Variants in AGBL1 observed in about 807,000 individuals in gnomAD.
The protein encoded by AGBL1 is cytosolic carboxypeptidase 4.
In AGBL1, 130 loss-of-function variants were observed where a neutral mutation model predicts 118.9. That is an observed-to-expected ratio of 1.09 (90% CI 0.95 to 1.26). AGBL1 has a LOEUF of 1.26. Among genes scored for constraint, AGBL1 ranks in the 50% most tolerant of loss-of-function variants. AGBL1 has a pLI of 0.00. For missense variants in AGBL1, 1,584 were observed against 1,298.1 expected (o/e 1.22, Z -3.38); for synonymous variants, 555 against 478.9 (o/e 1.16, Z -2.08).
At chr15:86,275,463 C>T (rs1231396453) in intron 15 of AGBL1, among the ~76,000 whole-genome samples, 1 of 152,182 alleles carries the variant, frequency 6.6e-6, no homozygotes, top group Non-Finnish European at 1.5e-5. Context: ...TTAAACAGAG[C>T]CATTGTCATT....
At chr15:86,579,436 A>G (rs1437851889) in intron 21 of AGBL1, among the ~76,000 whole-genome samples, 1 of 152,244 alleles carries the variant, frequency 6.6e-6, no homozygotes, top group Non-Finnish European at 1.5e-5. Context: ...ATATTAGATT[A>G]TGTTAAAATT....
At position 86,331,635 on chromosome 15, in the gene AGBL1, C is replaced by T. The variant is rs545000902; in HGVS notation, c.2374+36227C>T. 1.4e-3 allele frequency among the ~76,000 whole-genome samples: 209 copies of T among 152,314 alleles called. 1 individual carries two copies. The highest frequency in any genetic ancestry group is 6.8e-3 in the Middle Eastern group (2 of 294). ...AGAAACTTTACAAGCCAGCAGAGAT[C>T]GGGGGCCTGTTTACAACATTGTTAA... On this transcript the variant is annotated intron_variant, in intron 17 of 22. Coordinates refer to ENST00000614907, the MANE Select transcript of AGBL1 (RefSeq NM_001386094.1).
chr15:86,262,529 A>T (rs1237884904), intron 9 of AGBL1: 2 of 506,258 alleles, frequency 4.0e-6, no homozygotes, highest in African/African-American at 3.9e-5. Context: ...CATTTTATAC[A>T]AATTTTTATT....
intron 21 of AGBL1, among the ~76,000 whole-genome samples, chr15:86,624,725 GT>G (rs2084858476): frequency 6.6e-6 from 1 of 152,150 alleles, no homozygotes; most frequent in South Asian, 2.1e-4. Context: ...AAGGGACACT[GT>G]GCTGTGATGA....
chr15:86,992,957 T>C (rs1209031363), intron 24 of AGBL1, among the ~76,000 whole-genome samples: 1 of 152,140 alleles, frequency 6.6e-6, no homozygotes, highest in Admixed American at 6.6e-5. Flanking sequence ...CCCTAAAATA[T>C]CTCCAGTGTG....
At chr15:86,827,938 C>CTTTTT (rs71144074) in intron 22 of AGBL1, among the ~76,000 whole-genome samples, 1,115 of 16,740 alleles carry the variant, frequency 0.067, 336 homozygotes, top group African/African-American at 0.17. Flanking sequence ...TGATGTAGGG[C>CTTTTT]TTTTTTTTTT....
At chr15:86,885,661 T>TAAG (rs1253374983) in intron 22 of AGBL1, among the ~76,000 whole-genome samples, 1 of 152,150 alleles carries the variant, frequency 6.6e-6, no homozygotes, top group Non-Finnish European at 1.5e-5. Context: ...AAAAAAGCAA[T>TAAG]AAGATATAGA....
intron 7 of AGBL1, among the ~76,000 whole-genome samples, chr15:86,254,688 T>TC (rs2078867475): frequency 6.6e-6 from 1 of 152,194 alleles, no homozygotes; most frequent in Non-Finnish European, 1.5e-5. Flanking sequence ...TGGAGTCTTG[T>TC]CTTTTTTTGA....
rs115879606 is a variant in AGBL1, at chr15:86,983,423, C to A, written c.3222-4564C>A. Among the ~76,000 whole-genome samples, 718 of 152,234 alleles carry A rather than the reference C, an allele frequency of 4.7e-3. 10 individuals are homozygous for A. Among genetic ancestry groups the A allele is most frequent in the African/African-American group, 0.016 (682 of 41,546 alleles). On this transcript the variant is annotated intron_variant, in intron 23 of 24. Transcript: ENST00000441037. ...CTTGAAATATAATAAAACAAAAATT[C>A]TTGTGCCAAACACCTACCTTATGAC... is the stretch of plus-strand genomic sequence containing the variant.
chr15:86,823,884 A>G (rs1012833707), intron 22 of AGBL1, among the ~76,000 whole-genome samples: 2 of 152,144 alleles, frequency 1.3e-5, no homozygotes, highest in African/African-American at 4.8e-5. Flanking sequence ...CCCTTTCATT[A>G]AAACCTTTCA....
chr15:86,817,718 T>A (rs2078885637), intron 22 of AGBL1, among the ~76,000 whole-genome samples: 1 of 151,210 alleles, frequency 6.6e-6, no homozygotes, highest in African/African-American at 2.4e-5. Context: ...TGAATTGTGG[T>A]CCTCCAAAAG....
intron 15 of AGBL1, 65 bp from the exon 16 acceptor site, chr15:86,279,574 A>G: frequency 1.3e-6 from 2 of 1,513,730 alleles, no homozygotes; most frequent in Non-Finnish European, 1.8e-6. Context: ...CTAGGACCCT[A>G]AATGACCCTG....
chr15:86,972,996 G>A (rs1398278828), intron 23 of AGBL1, among the ~76,000 whole-genome samples: 1 of 151,608 alleles, frequency 6.6e-6, no homozygotes, highest in Non-Finnish European at 1.5e-5. Context: ...AAAGAATTTG[G>A]ATCAGACAAA....
chr15:86,857,320 T>C (rs2079497280), intron 22 of AGBL1, among the ~76,000 whole-genome samples: 1 of 152,148 alleles, frequency 6.6e-6, no homozygotes, highest in African/African-American at 2.4e-5. Context: ...CAGCTTCCCA[T>C]CCTTCCAGTA....
intron 24 of AGBL1, among the ~76,000 whole-genome samples, chr15:87,011,212 C>A (rs1222702258): frequency 8.0e-6 from 1 of 124,612 alleles, no homozygotes; most frequent in Non-Finnish European, 1.6e-5. Context: ...TCAGGACAAC[C>A]CCTAACTGTG....
intron 1 of AGBL1, among the ~76,000 whole-genome samples, chr15:86,094,011 A>G (rs1896195057): frequency 6.6e-6 from 1 of 152,156 alleles, no homozygotes; most frequent in African/African-American, 2.4e-5. Context: ...CTAGTATTGT[A>G]TCTTTGAAAT....
rs2079035071 is a variant in AGBL1 at position 86,264,184 on chromosome 15, A to G, written c.1087-74A>G. 1.0e-5 allele frequency: 13 copies of G among 1,243,510 alleles called. 1 individual carries two copies. The Middle Eastern group carries it at 2.0e-3, about 190-fold the overall frequency. 77.0% of individuals were successfully genotyped at this position (1,243,510 alleles called of 1,614,324 possible). ...ATGCTTAGCTCTGTGCCCAGAGAGT[A>G]AGGACAGGGATCAAATTGTATTCCC... is the stretch of plus-strand genomic sequence containing the variant. On this transcript the variant is annotated intron_variant, in intron 10 of 22. Transcript: ENST00000614907.
intron 22 of AGBL1, among the ~76,000 whole-genome samples, chr15:86,795,144 C>T (rs2078551441): frequency 6.6e-6 from 1 of 152,206 alleles, no homozygotes; most frequent in African/African-American, 2.4e-5. Flanking sequence ...AAGGCCCAGC[C>T]CTGGCACTTT....
chr15:86,957,178 A>G (rs2080939714), intron 23 of AGBL1, among the ~76,000 whole-genome samples: 1 of 152,148 alleles, frequency 6.6e-6, no homozygotes, highest in African/African-American at 2.4e-5. Flanking sequence ...CTGAAAAATA[A>G]TCTATTTTTA....
Sources: gnomAD v4.1 joint callset for allele counts (sites outside exome capture counted in the v4.1 genomes callset) on GRCh38, gnomAD v4.1.1 for gene constraint, MANE v1.5 for transcripts, NCBI Gene and HGNC (gene_info 2026-07-23, HGNC 2026-07-21) for gene names.